DSCAML1: variants seen among roughly 807,000 people sequenced by gnomAD.
DSCAML1 encodes the protein cell adhesion molecule DSCAML1.
DSCAML1 carries 38 observed loss-of-function variants against 200.5 expected under a neutral mutation model. That is an observed-to-expected ratio of 0.19 (90% confidence interval 0.15 to 0.25). The LOEUF is 0.25. Among genes scored for constraint, DSCAML1 ranks in the 10% least tolerant of loss-of-function variants. The pLI, the probability that DSCAML1 is intolerant of heterozygous loss-of-function variation, is 1.00. For missense variants in DSCAML1, 2,223 were observed against 2,858.8 expected (o/e 0.78, Z 5.07); for synonymous variants, 1,215 against 1,165.0 (o/e 1.04, Z -0.87).
chr11:117,446,397 G>A (rs1380230166), intron 20 of DSCAML1, among the ~76,000 whole-genome samples: 1 of 151,780 alleles, frequency 6.6e-6, no homozygotes, highest in Non-Finnish European at 1.5e-5. Flanking sequence ...CAAAAAACCA[G>A]AATCAATAGG....
chr11:117,597,948 A>T (rs1197770976), intron 3 of DSCAML1, among the ~76,000 whole-genome samples: 1 of 152,214 alleles, frequency 6.6e-6, no homozygotes, highest in Non-Finnish European at 1.5e-5. Flanking sequence ...AGACATATTC[A>T]GCCTGGGCAT....
intron 23 of DSCAML1, 132 bp downstream of exon 23, chr11:117,439,134 C>G: frequency 1.4e-6 from 2 of 1,397,154 alleles, no homozygotes; most frequent in African/African-American, 2.9e-5. Context: ...CCATGTGCAC[C>G]TCTGTTTCTC....
chr11:117,430,660 G>C, intron 32 of DSCAML1, 62 bp downstream of exon 32: 1 of 1,532,154 alleles, frequency 6.5e-7, no homozygotes, highest in South Asian at 1.3e-5. Flanking sequence ...TCTAGCCAGG[G>C]CTCATGGGGC....
chr11:117,521,097 A>G, intron 6 of DSCAML1, 33 bp downstream of exon 6: 1 of 1,603,456 alleles, frequency 6.2e-7, no homozygotes, highest in Non-Finnish European at 8.5e-7. Flanking sequence ...GCAGCCCTGA[A>G]CCCGCCCCCT....
At position 117,786,735 on chromosome 11, in the gene DSCAML1, C is replaced by T. The variant is rs76743458; in HGVS notation, c.47-5925G>A. 1.2e-3 allele frequency among the ~76,000 whole-genome samples: 188 copies of T among 152,288 alleles called. 2 individuals are homozygous for T. The East Asian group carries it at 0.029, about 23-fold the overall frequency. On this transcript the variant is annotated intron_variant, in intron 1 of 32. Transcript: ENST00000651296. Reference sequence around the variant, plus strand: ...GACTGAAATATTAACACCTCGCCACCTCCACTGGGAGATGAGTCATTTTGT... The same window carrying T: ...GACTGAAATATTAACACCTCGCCACTTCCACTGGGAGATGAGTCATTTTGT...
intron 21 of DSCAML1, among the ~76,000 whole-genome samples, chr11:117,442,121 G>A (rs555949070): frequency 8.0e-6 from 1 of 124,442 alleles, no homozygotes; most frequent in South Asian, 2.2e-4. Context: ...GCATATGTGA[G>A]TGTGCACGTG....
At chr11:117,716,219 T>C (rs537028781) in intron 3 of DSCAML1, among the ~76,000 whole-genome samples, 248 of 152,306 alleles carry the variant, frequency 1.6e-3, no homozygotes, top group Non-Finnish European at 2.8e-3. Flanking sequence ...CCCTTTTATT[T>C]TATGATAAAG....
intron 3 of DSCAML1, among the ~76,000 whole-genome samples, chr11:117,727,402 T>A (rs1304845091): frequency 6.6e-6 from 1 of 152,222 alleles, no homozygotes; most frequent in African/African-American, 2.4e-5. Flanking sequence ...GTCTTCAGCA[T>A]CCACACTTTC....
At chr11:117,793,788 T>C (rs1330069211) in intron 1 of DSCAML1, among the ~76,000 whole-genome samples, 3 of 152,202 alleles carry the variant, frequency 2.0e-5, no homozygotes, top group Non-Finnish European at 4.4e-5. Flanking sequence ...ACTTGTTTTT[T>C]GTTTCTAATT....
intron 11 of DSCAML1, 66 bp from the exon 12 acceptor site, chr11:117,482,228 C>A (rs1162484323): frequency 1.9e-5 from 30 of 1,575,978 alleles, no homozygotes; most frequent in Admixed American, 1.8e-5. Flanking sequence ...GGCACGCGTG[C>A]CCTGCGCAGA....
chr11:117,553,688 G>A (rs2050508180), intron 3 of DSCAML1, among the ~76,000 whole-genome samples: 1 of 152,214 alleles, frequency 6.6e-6, no homozygotes, highest in Non-Finnish European at 1.5e-5. Context: ...CACTGATGGT[G>A]GGAATATAAA....
intron 1 of DSCAML1, among the ~76,000 whole-genome samples, chr11:117,791,617 G>A (rs1206330260): frequency 6.6e-6 from 1 of 152,206 alleles, no homozygotes; most frequent in African/African-American, 2.4e-5. Context: ...GGACACTCAG[G>A]TGACCACATG....
In DSCAML1 at chr11:117,498,267, T is replaced by C. The variant is rs2004927; in HGVS notation, c.2359+5578A>G. Reference sequence around the variant, plus strand: ...GCTGAGAGGGGCCTTGTGAGTATAGTGTGTGGACACCCAATCCATGTGCCC... The same window carrying C: ...GCTGAGAGGGGCCTTGTGAGTATAGCGTGTGGACACCCAATCCATGTGCCC... On this transcript the variant is annotated intron_variant, in intron 11 of 32. Transcript: ENST00000651296. This position sits in a 1 kb window ranked among gnomAD's most constrained non-coding sequence, Gnocchi z 4.0. Among the ~76,000 whole-genome samples, 4,205 of 152,228 alleles carry C rather than the reference T, an allele frequency of 0.028. 108 individuals carry two copies. The highest frequency in any genetic ancestry group is 0.1 in the East Asian group (530 of 5,164).
At chr11:117,577,497 CCTTCCTTCCCTCCT>C (rs1355247546) in intron 3 of DSCAML1, among the ~76,000 whole-genome samples, 31 of 16,910 alleles carry the variant, frequency 1.8e-3, no homozygotes, top group African/African-American at 3.2e-3. Flanking sequence ...TTCCTTCCTT[CCTTCCTTCCCTCCT>C]TCCTTCCTTC....
In DSCAML1 at chr11:117,639,440, G is replaced by A. The variant is rs1434197037; in HGVS notation, c.512-106918C>T. On this transcript the variant is annotated intron_variant, in intron 3 of 32. Transcript: ENST00000651296. ...GCTGAATGGATGGGAAGCTGGATGG[G>A]TGGGAGGCTGGATGGGTGGGAGGCT... is the stretch of plus-strand genomic sequence containing the variant. Among the ~76,000 whole-genome samples the A allele has an allele frequency of 2.4e-3, 339 of 144,008 alleles. 1 individual carries two copies. The highest frequency in any genetic ancestry group is 8.1e-3 in the African/African-American group (314 of 38,938). 94.5% of individuals were successfully genotyped at this position (144,008 alleles called of 152,430 possible). A position where few individuals can be genotyped will look rare whatever the true frequency, so the allele number is the denominator to read the frequency against.
intron 27 of DSCAML1, among the ~76,000 whole-genome samples, chr11:117,434,109 G>C (rs1322463642): frequency 6.6e-6 from 1 of 152,178 alleles, no homozygotes. Context: ...TGAGCTGTCA[G>C]AATGAATCCC....
In DSCAML1 at chr11:117,437,549, G is replaced by T; in HGVS notation, c.4433-140C>A. The T allele has an allele frequency of 9.2e-7, 1 of 1,088,466 alleles. No individual in the cohort carries two copies. Among genetic ancestry groups the T allele is most frequent in the Non-Finnish European group, 1.3e-6 (1 of 759,828 alleles). 67.4% of individuals were successfully genotyped at this position (1,088,466 alleles called of 1,614,324 possible). On this transcript the variant is annotated intron_variant, in intron 25 of 32. Transcript: ENST00000651296. This position sits in a 1 kb window ranked among gnomAD's most constrained non-coding sequence, Gnocchi z 5.3. ...AGAATACATGTTTGGCACAGATGGG[G>T]TGGGGAAGCCCCAGGGCGCAGAGGA...
At chr11:117,470,235 TG>T (rs954895623) in intron 15 of DSCAML1, among the ~76,000 whole-genome samples, 2 of 152,206 alleles carry the variant, frequency 1.3e-5, no homozygotes, top group African/African-American at 4.8e-5. Context: ...TTCAGTAGGA[TG>T]GCAAAAGTTT....
At chr11:117,447,659 CA>C (rs1234001495) in intron 20 of DSCAML1, among the ~76,000 whole-genome samples, 1 of 152,166 alleles carries the variant, frequency 6.6e-6, no homozygotes, top group African/African-American at 2.4e-5. Context: ...TGGCCATCCC[CA>C]GGGGTAGCTT....
Sources: gnomAD v4.1 joint callset for allele counts (sites outside exome capture counted in the v4.1 genomes callset) on GRCh38, gnomAD v4.1.1 for gene constraint, Gnocchi (gnomAD v3.1) non-coding constraint, MANE v1.5 for transcripts, NCBI Gene and HGNC (gene_info 2026-07-23, HGNC 2026-07-21) for gene names.